CSMD3: variants seen among roughly 807,000 people sequenced by gnomAD.
CSMD3 encodes the protein CUB and sushi domain-containing protein 3.
In CSMD3, 177 loss-of-function variants were observed where a neutral mutation model predicts 435.2. The ratio of observed to expected loss-of-function variants is 0.41; its 90% CI spans 0.36 to 0.46. The LOEUF (loss-of-function observed/expected upper bound fraction) is 0.46, where lower values mean the gene tolerates loss of function less well. CSMD3 is among the 20% of genes least tolerant of loss of function. The pLI, the probability that CSMD3 is intolerant of heterozygous loss-of-function variation, is 0.34. For synonymous variants in CSMD3, 1,656 were observed against 1,520.5 expected (o/e 1.09, Z -2.07); for missense variants, 4,265 against 4,504.6 (o/e 0.95, Z 1.52).
At chr8:113,114,650 T>A (rs2090769480) in intron 4 of CSMD3, among the ~76,000 whole-genome samples, 1 of 152,152 alleles carries the variant, frequency 6.6e-6, no homozygotes, top group Non-Finnish European at 1.5e-5. Context: ...CCTGGAGGAC[T>A]TTTAAAAAGC....
chr8:113,002,978 G>A (rs544242325), intron 6 of CSMD3, among the ~76,000 whole-genome samples: 52 of 152,166 alleles, frequency 3.4e-4, no homozygotes, highest in African/African-American at 9.9e-4. Flanking sequence ...GGTGGTTCAC[G>A]TCTGTAATCC....
chr8:112,668,760 C>G (rs2075586009), intron 16 of CSMD3, among the ~76,000 whole-genome samples: 1 of 151,788 alleles, frequency 6.6e-6, no homozygotes, highest in African/African-American at 2.4e-5. Flanking sequence ...AGAAGGTCTA[C>G]CACCAAGAGG....
At chr8:113,023,222 C>T (rs1413187760) in intron 5 of CSMD3, among the ~76,000 whole-genome samples, 2 of 152,064 alleles carry the variant, frequency 1.3e-5, no homozygotes, top group African/African-American at 2.4e-5. Flanking sequence ...ATTGCTCTGA[C>T]ATCTACTTTT....
chr8:113,085,033 A>G (rs554507873), intron 5 of CSMD3, among the ~76,000 whole-genome samples: 1 of 152,000 alleles, frequency 6.6e-6, no homozygotes, highest in Non-Finnish European at 1.5e-5. Flanking sequence ...ATGCATACGA[A>G]ACACACTTGA....
chr8:112,989,038 G>T (rs1345820569), intron 6 of CSMD3, among the ~76,000 whole-genome samples: 1 of 151,976 alleles, frequency 6.6e-6, no homozygotes, highest in African/African-American at 2.4e-5. Context: ...TAGGCAACAA[G>T]AATTTGTCGA....
intron 2 of CSMD3, among the ~76,000 whole-genome samples, chr8:113,293,198 A>C (rs2093697645): frequency 6.7e-6 from 1 of 149,606 alleles, no homozygotes; most frequent in Admixed American, 6.8e-5. Flanking sequence ...ATAACCTCTT[A>C]CCTGACCTTT....
chr8:113,251,216 C>T (rs905561064), intron 3 of CSMD3, among the ~76,000 whole-genome samples: 1 of 151,924 alleles, frequency 6.6e-6, no homozygotes, highest in African/African-American at 2.4e-5. Context: ...GTCACTAGCT[C>T]ATTGATTATC....
chr8:112,944,046 G>C (rs1375977583), intron 9 of CSMD3, among the ~76,000 whole-genome samples: 1 of 151,520 alleles, frequency 6.6e-6, no homozygotes, highest in Admixed American at 6.6e-5. Flanking sequence ...AATCTCAAAA[G>C]GGCACTCAAA....
intron 9 of CSMD3, among the ~76,000 whole-genome samples, chr8:112,924,825 A>C (rs1473094776): frequency 6.6e-6 from 1 of 152,058 alleles, no homozygotes; most frequent in Admixed American, 6.6e-5. Flanking sequence ...TTCAAATACT[A>C]ACTTTGCCCT....
intron 1 of CSMD3, among the ~76,000 whole-genome samples, chr8:113,362,098 A>AT (rs1290287947): frequency 2.0e-5 from 3 of 152,200 alleles, no homozygotes; most frequent in Non-Finnish European, 4.4e-5. Context: ...GTTGATAAGG[A>AT]TTTATTTGAA....
chr8:113,350,946 T>G (rs2094186112), intron 1 of CSMD3, among the ~76,000 whole-genome samples: 1 of 152,046 alleles, frequency 6.6e-6, no homozygotes, highest in African/African-American at 2.4e-5. Flanking sequence ...TCTTTAGATC[T>G]AATTTCCATG....
intron 12 of CSMD3, among the ~76,000 whole-genome samples, chr8:112,818,082 G>A (rs2079427757): frequency 6.6e-6 from 1 of 150,828 alleles, no homozygotes; most frequent in African/African-American, 2.4e-5. Flanking sequence ...AATATGTTAT[G>A]ACTTTATGAA....
At position 112,224,584 on chromosome 8, in the gene CSMD3, A is replaced by G. The variant is rs1812401017; in HGVS notation, c.*187T>C. 1 of 652,562 alleles carries G rather than the reference A, an allele frequency of 1.5e-6. No homozygotes were observed. The highest frequency in any genetic ancestry group is 2.7e-6 in the Non-Finnish European group (1 of 368,560). The allele number at this position is 652,562 out of a possible 1,614,324, so 40.4% of individuals were successfully genotyped here. A position where few individuals can be genotyped will look rare whatever the true frequency, so the allele number is the denominator to read the frequency against. ...CAGAGTGCAGCCAAATTTCTGTAAA[A>G]CTCTCCATGGTAAACATGAAGAATT... On this transcript the variant is annotated 3_prime_UTR_variant, in exon 71 of 71. Transcript: ENST00000297405.
In CSMD3 at chr8:113,358,489, ATT is replaced by A. The variant is rs2094248538; in HGVS notation, c.179-43698_179-43697del. Among the ~76,000 whole-genome samples the A allele has an allele frequency of 3.9e-5, 6 of 152,196 alleles. No homozygotes were observed. The South Asian group carries it at 1.2e-3, about 32-fold the overall frequency. ...TGCCTCAGCCTCCCAAGTAGCTGGG[ATT>A]ACAGGCGTATGCCACCACGCTTAGC... On this transcript the variant is annotated intron_variant, in intron 1 of 70. Coordinates refer to ENST00000297405, the MANE Select transcript of CSMD3 (RefSeq NM_198123.2).
At chr8:112,609,141 G>T (rs1039394109) in intron 22 of CSMD3, among the ~76,000 whole-genome samples, 1 of 132,456 alleles carries the variant, frequency 7.5e-6, no homozygotes, top group Admixed American at 8.8e-5. Context: ...GGCGGAGGTT[G>T]CAGTGAGCCA....
intron 32 of CSMD3, among the ~76,000 whole-genome samples, chr8:112,460,895 C>T (rs1472877347): frequency 6.6e-6 from 1 of 152,128 alleles, no homozygotes; most frequent in African/African-American, 2.4e-5. Context: ...TCAAATCCCT[C>T]TAACTCAGAG....
At chr8:112,675,731 C>T (rs978281625) in intron 16 of CSMD3, among the ~76,000 whole-genome samples, 1 of 152,024 alleles carries the variant, frequency 6.6e-6, no homozygotes. Context: ...GGAAAAAAAT[C>T]ACAGGGACCA....
chr8:112,787,367 T>A (rs1026144978), intron 13 of CSMD3, among the ~76,000 whole-genome samples: 1 of 152,102 alleles, frequency 6.6e-6, no homozygotes, highest in Non-Finnish European at 1.5e-5. Flanking sequence ...AGAACTCTCA[T>A]ACACTGTTGG....
chr8:112,226,222 C>G (rs757375581), intron 70 of CSMD3, among the ~76,000 whole-genome samples: 1 of 152,072 alleles, frequency 6.6e-6, no homozygotes, highest in Non-Finnish European at 1.5e-5. Context: ...ATAACTTGCT[C>G]TTACTAAGTG....
Sources: gnomAD v4.1 joint callset for allele counts (sites outside exome capture counted in the v4.1 genomes callset) on GRCh38, gnomAD v4.1.1 for gene constraint, MANE v1.5 for transcripts, NCBI Gene and HGNC (gene_info 2026-07-23, HGNC 2026-07-21) for gene names.